The following CLCN2 variants were observed in gnomAD, a reference collection of about 807,000 sequenced individuals.
CLCN2 encodes chloride voltage-gated channel 2.
CLCN2 carries 72 observed loss-of-function variants against 108.3 expected under a neutral mutation model. The observed-to-expected ratio is 0.66, with a 90% CI of 0.55 to 0.81. The LOEUF (loss-of-function observed/expected upper bound fraction) is 0.81, where lower values mean the gene tolerates loss of function less well. Ranked by LOEUF, CLCN2 falls within the 30% of genes least tolerant of loss-of-function variation. The pLI, the probability that CLCN2 is intolerant of heterozygous loss-of-function variation, is 0.00. For missense variants in CLCN2, 1,048 were observed against 1,205.2 expected (o/e 0.87, Z 1.93); for synonymous variants, 471 against 467.1 (o/e 1.01, Z -0.11).
chr3:184,359,432 C>T (rs1253775983), intron 1 of CLCN2, among the ~76,000 whole-genome samples: 3 of 152,084 alleles, frequency 2.0e-5, no homozygotes, highest in African/African-American at 7.2e-5. Context: ...AGAGGGAAGC[C>T]CCAGAAGAGG....
intron 14 of CLCN2, 114 bp from the exon 15 acceptor site, chr3:184,354,428 G>T: frequency 7.6e-7 from 1 of 1,320,536 alleles, no homozygotes; most frequent in African/African-American, 1.5e-5. Context: ...TCCTGGGATT[G>T]GACCTGTGCA....
rs1303622311 is a variant in CLCN2, at chr3:184,357,358, C to A, written c.898+4G>T. ...GGCTGCCCTCATCCCCTGGGTGCCC[C>A]CACCTTCATCCCGGTTCCAGACTGC... On this transcript the variant is annotated splice_donor_region_variant and intron_variant, in intron 8 of 23. Coordinates refer to ENST00000265593, the MANE Select transcript of CLCN2 (RefSeq NM_004366.6). 6.2e-7 allele frequency: 1 copy of A among 1,614,066 alleles called. No individual in the cohort carries two copies. The highest frequency in any genetic ancestry group is 2.2e-5 in the East Asian group (1 of 44,888).
At chr3:184,358,135 C>T (rs1313606497) in intron 4 of CLCN2, 40 bp from the exon 5 acceptor site, 1 of 1,613,978 alleles carries the variant, frequency 6.2e-7, no homozygotes, top group East Asian at 2.2e-5. Flanking sequence ...TTCGATGCAC[C>T]CATTTCAGGG....
rs1394390246 is a variant in CLCN2 at position 184,352,738 on chromosome 3, T to C, written c.2216A>G (p.Glu739Gly). 8.1e-6 allele frequency: 13 copies of C among 1,613,020 alleles called. No individual in the cohort carries two copies. The highest frequency in any genetic ancestry group is 1.1e-5 in the Non-Finnish European group (13 of 1,179,914). Residue 739 changes from glutamate to glycine, a missense_variant and splice_region_variant, in exon 19 of 24, where the codon GAG (glutamate) becomes GGG (glycine). Coordinates refer to ENST00000265593, the MANE Select transcript of CLCN2 (RefSeq NM_004366.6). ...CGSPPPEAAS[E>G]KLESCEKRKL... ...GGAGGACAGGCTCCAGCCACTCACC[T>C]CCGAAGCAGCCTCAGGGGGTGGACT...
intron 1 of CLCN2, among the ~76,000 whole-genome samples, chr3:184,360,482 C>T (rs1246449626): frequency 1.3e-5 from 2 of 152,050 alleles, no homozygotes; most frequent in Non-Finnish European, 2.9e-5. Flanking sequence ...GCTCTACTCC[C>T]ACCTCTCCCT....
chr3:184,348,593 A>G (rs1727872822), intron 22 of CLCN2: 1 of 151,792 alleles, frequency 6.6e-6, no homozygotes, highest in Non-Finnish European at 1.5e-5. Context: ...CCTACGTGCT[A>G]CAAGTTAGCT....
In CLCN2 at chr3:184,354,728, G is replaced by C; in HGVS notation, c.1397-70C>G. The C allele has an allele frequency of 3.6e-6, 5 of 1,386,890 alleles. No homozygotes were observed. In the South Asian group the frequency reaches 5.8e-5, roughly 16 times the overall value. 85.9% of individuals were successfully genotyped at this position (1,386,890 alleles called of 1,614,324 possible). Reference sequence around the variant, plus strand: ...GGGCAGGGGGCACTAGGAAGAGAGAGGGTCAGAGGGTGAGGGAGGGGCCAA... The same window carrying C: ...GGGCAGGGGGCACTAGGAAGAGAGACGGTCAGAGGGTGAGGGAGGGGCCAA... On this transcript the variant is annotated intron_variant, in intron 13 of 23. Coordinates refer to ENST00000265593, the MANE Select transcript of CLCN2 (RefSeq NM_004366.6).
In CLCN2 at chr3:184,346,919, G is replaced by T; in HGVS notation, c.2502+16C>A. ...TTTTGGAAGTGGAGCAGCTTTGGAGGCCACCATCACCTCACCTCCTTTAGA... is the reference window on the plus strand; with the variant it reads ...TTTTGGAAGTGGAGCAGCTTTGGAGTCCACCATCACCTCACCTCCTTTAGA... On this transcript the variant is annotated intron_variant, in intron 23 of 23. Coordinates refer to ENST00000265593, the MANE Select transcript of CLCN2 (RefSeq NM_004366.6). This position sits in a 1 kb window ranked among gnomAD's most constrained non-coding sequence, Gnocchi z 6.0. 3 of 1,613,014 alleles carry T rather than the reference G, an allele frequency of 1.9e-6. No individual in the cohort carries two copies. Among genetic ancestry groups the T allele is most frequent in the Non-Finnish European group, 2.5e-6 (3 of 1,178,928 alleles).
At chr3:184,352,635 G>A in intron 19 of CLCN2, 102 bp downstream of exon 19, 1 of 1,479,366 alleles carries the variant, frequency 6.8e-7, no homozygotes, top group South Asian at 1.2e-5. Flanking sequence ...CCGAAGGGCA[G>A]GGAGAATAGA....
chr3:184,357,582 G>C, intron 7 of CLCN2, 38 bp downstream of exon 7: 1 of 1,613,978 alleles, frequency 6.2e-7, no homozygotes, highest in Non-Finnish European at 8.5e-7. Context: ...GCCAAGGGCA[G>C]GGTTGTGGGG....
rs1711558419 is a variant in CLCN2 at position 184,358,369 on chromosome 3, T to C, written c.353-59A>G. 4 of 1,610,404 alleles carry C rather than the reference T, an allele frequency of 2.5e-6. No homozygotes were observed. The African/African-American group carries it at 5.3e-5, about 22-fold the overall frequency. Reference sequence around the variant, plus strand: ...ACACACCCACTGCCTGCCTGGCCAGTGGACCACGCTGATACGACAGGCTGT... The same window carrying C: ...ACACACCCACTGCCTGCCTGGCCAGCGGACCACGCTGATACGACAGGCTGT... On this transcript the variant is annotated intron_variant, in intron 3 of 23. Coordinates refer to ENST00000265593, the MANE Select transcript of CLCN2 (RefSeq NM_004366.6).
Position 184,346,322 on chromosome 3 carries a change from C to T in CLCN2, c.*284G>A. The T allele has an allele frequency of 1.9e-6, 1 of 528,278 alleles. No individual in the cohort carries two copies. Among genetic ancestry groups the T allele is most frequent in the East Asian group, 3.3e-5 (1 of 29,996 alleles). 32.7% of individuals were successfully genotyped at this position (528,278 alleles called of 1,614,324 possible). ...TTCCAGTTATAAACCCATCTTAGTT[C>T]CACCCCTTTCCCCTCAAAGGGGGAG... On this transcript the variant is annotated 3_prime_UTR_variant, in exon 24 of 24. Transcript: ENST00000265593. This position sits in a 1 kb window ranked among gnomAD's most constrained non-coding sequence, Gnocchi z 6.0.
rs1024019054 is a variant in CLCN2, at chr3:184,355,258, A to G, written c.1326+116T>C. The G allele has an allele frequency of 3.4e-6, 4 of 1,186,052 alleles. No individual in the cohort carries two copies. Among genetic ancestry groups the G allele is most frequent in the Non-Finnish European group, 5.0e-6 (4 of 796,060 alleles). The allele number at this position is 1,186,052 out of a possible 1,614,324, so 73.5% of individuals were successfully genotyped here. On this transcript the variant is annotated intron_variant, in intron 12 of 23. Coordinates refer to ENST00000265593, the MANE Select transcript of CLCN2 (RefSeq NM_004366.6). The surrounding 1 kb of genome is among the most constrained non-coding windows in gnomAD (Gnocchi z 6.3). ...CTCCCCCATCTTTCAAACGGGGGTGATAATAGTGCCTTTCCCATGGCACTG... is the reference window on the plus strand; with the variant it reads ...CTCCCCCATCTTTCAAACGGGGGTGGTAATAGTGCCTTTCCCATGGCACTG...
At position 184,346,458 on chromosome 3, in the gene CLCN2, G is replaced by C; in HGVS notation, c.*148C>G. The stretch of plus-strand genomic sequence containing the variant: ...TCAGATTCCAGGTAGGATGAACTGG[G>C]AGAAGCTGGCACCCCAGGTCTGGAG... On this transcript the variant is annotated 3_prime_UTR_variant, in exon 24 of 24. Transcript: ENST00000265593. This position sits in a 1 kb window ranked among gnomAD's most constrained non-coding sequence, Gnocchi z 6.0. 3.5e-6 allele frequency: 3 copies of C among 864,556 alleles called. No individual in the cohort carries two copies. Among genetic ancestry groups the C allele is most frequent in the Non-Finnish European group, 5.6e-6 (3 of 538,862 alleles). The allele number at this position is 864,556 out of a possible 1,614,324, so 53.6% of individuals were successfully genotyped here. A position where few individuals can be genotyped will look rare whatever the true frequency, so the allele number is the denominator to read the frequency against.
intron 13 of CLCN2, 69 bp downstream of exon 13, chr3:184,354,835 G>C (rs1728420871): frequency 1.2e-5 from 18 of 1,543,886 alleles, no homozygotes; most frequent in East Asian, 2.2e-5. Flanking sequence ...TTGGGCAGAG[G>C]GTTGGCTGGG....
At chr3:184,351,547 C>T (rs1728095819) in intron 22 of CLCN2, among the ~76,000 whole-genome samples, 1 of 152,216 alleles carries the variant, frequency 6.6e-6, no homozygotes, top group African/African-American at 2.4e-5. Context: ...CTGGGTGTTT[C>T]TCATCTTTGT....
rs756203586 is a variant in CLCN2, at chr3:184,353,403, G to C, written c.1875C>G (p.Gly625=). The C allele has an allele frequency of 1.2e-6, 2 of 1,611,408 alleles. No individual in the cohort carries two copies. Residue 625 remains glycine, a synonymous_variant, in exon 17 of 24, where the codon GGC becomes GGG. Transcript: ENST00000265593. ...CCACCACCTGTGAACGCTCGATGGA[G>C]CCCAGCAGAATCATGGACTCTGGAC... The part of the protein sequence containing the change: ...VESPESMILL[G]SIERSQVVAL...
At position 184,347,007 on chromosome 3, in the gene CLCN2, G is replaced by A. The variant is rs1727725132; in HGVS notation, c.2430C>T (p.Phe810=). 1 of 1,613,948 alleles carries A rather than the reference G, an allele frequency of 6.2e-7. No homozygotes were observed. Among genetic ancestry groups the A allele is most frequent in the Non-Finnish European group, 8.5e-7 (1 of 1,179,814 alleles). Residue 810 remains phenylalanine, a synonymous_variant, in exon 23 of 24, where the codon TTC becomes TTT. Coordinates refer to ENST00000265593, the MANE Select transcript of CLCN2 (RefSeq NM_004366.6). ...AAGCATGGTCCACTCCCAGCAGTGAGAAGATAGTGTGAGTCTGCAGTGTGG... is the reference window on the plus strand; with the variant it reads ...AAGCATGGTCCACTCCCAGCAGTGAAAAGATAGTGTGAGTCTGCAGTGTGG... The part of the protein sequence containing the change: ...RTSLHKTHTI[F]SLLGVDHAYV...
chr3:184,358,892 C>T, intron 2 of CLCN2, 79 bp from the exon 3 acceptor site: 2 of 1,613,524 alleles, frequency 1.2e-6, no homozygotes, highest in Non-Finnish European at 8.5e-7. Context: ...CAACTGTCCC[C>T]TCTCCCCCAT....
Sources: gnomAD v4.1 joint callset for allele counts (sites outside exome capture counted in the v4.1 genomes callset) on GRCh38, gnomAD v4.1.1 for gene constraint, Gnocchi (gnomAD v3.1) non-coding constraint, MANE v1.5 for transcripts, NCBI Gene and HGNC (gene_info 2026-07-23, HGNC 2026-07-21) for gene names.